Variants in IMMP2L observed in about 807,000 individuals in gnomAD.
IMMP2L encodes inner mitochondrial membrane peptidase subunit 2.
In IMMP2L, 18 loss-of-function variants were observed where a neutral mutation model predicts 19.3. The ratio of observed to expected loss-of-function variants is 0.93; its 90% confidence interval spans 0.64 to 1.38. IMMP2L has a LOEUF of 1.38. Among genes scored for constraint, IMMP2L ranks in the 40% most tolerant of loss-of-function variants. The pLI is 0.00. For missense variants in IMMP2L, 233 were observed against 218.2 expected, an observed-to-expected ratio of 1.07 and a Z score of -0.43; for synonymous variants, 76 against 73.0, an observed-to-expected ratio of 1.04 and a Z score of -0.21.
At chr7:110,944,426 G>A (rs1817030501) in intron 4 of IMMP2L, among the ~76,000 whole-genome samples, 1 of 148,738 alleles carries the variant, frequency 6.7e-6, no homozygotes, top group South Asian at 2.1e-4. Flanking sequence ...TTTAAATCTG[G>A]AATAGTATAG....
chr7:110,769,704 G>A (rs990714722), intron 5 of IMMP2L, among the ~76,000 whole-genome samples: 14 of 151,816 alleles, frequency 9.2e-5, no homozygotes, highest in Non-Finnish European at 1.6e-4. Flanking sequence ...GAAAGAAAAC[G>A]AACGGAAGAA....
At chr7:110,880,004 G>C (rs1258028140) in intron 5 of IMMP2L, among the ~76,000 whole-genome samples, 2 of 152,046 alleles carry the variant, frequency 1.3e-5, no homozygotes, top group Non-Finnish European at 2.9e-5. Flanking sequence ...GAATTCTTTA[G>C]GAGTCATATT....
chr7:110,990,029 G>A (rs1197048207), intron 3 of IMMP2L, among the ~76,000 whole-genome samples: 1 of 151,990 alleles, frequency 6.6e-6, no homozygotes, highest in East Asian at 1.9e-4. Flanking sequence ...CTCAATAAAA[G>A]CCCATACATT....
chr7:110,988,861 A>G (rs1822136630), intron 3 of IMMP2L, among the ~76,000 whole-genome samples: 1 of 152,166 alleles, frequency 6.6e-6, no homozygotes, highest in South Asian at 2.1e-4. Flanking sequence ...ACACATAAAT[A>G]TAGTATGTTC....
At chr7:111,161,899 C>A (rs1236432028) in intron 3 of IMMP2L, among the ~76,000 whole-genome samples, 2 of 151,930 alleles carry the variant, frequency 1.3e-5, no homozygotes, top group African/African-American at 2.4e-5. Context: ...TAAAATGTCT[C>A]CACTTCAAAT....
At chr7:111,383,846 T>C (rs7798071) in intron 3 of IMMP2L, among the ~76,000 whole-genome samples, 3,801 of 152,228 alleles carry the variant, frequency 0.025, 182 homozygotes, top group African/African-American at 0.086. Context: ...TTCAAGCCCA[T>C]GAATATTCAG....
chr7:111,466,266 C>G (rs190436165), intron 3 of IMMP2L, among the ~76,000 whole-genome samples: 19 of 152,160 alleles, frequency 1.2e-4, no homozygotes, highest in African/African-American at 4.3e-4. Flanking sequence ...ATGGGTGCAG[C>G]ACACCAACAT....
chr7:111,092,407 A>G (rs188409782), intron 3 of IMMP2L, among the ~76,000 whole-genome samples: 1 of 152,286 alleles, frequency 6.6e-6, no homozygotes, highest in Non-Finnish European at 1.5e-5. Context: ...GCTCTAATTT[A>G]TTCATTTTTA....
At chr7:111,505,201 C>T (rs1307958894) in intron 2 of IMMP2L, among the ~76,000 whole-genome samples, 2 of 151,616 alleles carry the variant, frequency 1.3e-5, no homozygotes, top group Admixed American at 6.6e-5. Flanking sequence ...GACATTTATG[C>T]AGCCAAAAAA....
chr7:110,933,176 C>G (rs1254862272), intron 4 of IMMP2L, among the ~76,000 whole-genome samples: 1 of 152,098 alleles, frequency 6.6e-6, no homozygotes, highest in Non-Finnish European at 1.5e-5. Flanking sequence ...AAAGGAAGAG[C>G]CTGGTGGAGA....
chr7:110,857,440 T>C (rs999322766), intron 5 of IMMP2L, among the ~76,000 whole-genome samples: 1 of 152,058 alleles, frequency 6.6e-6, no homozygotes, highest in African/African-American at 2.4e-5. Context: ...TCTATCTGAT[T>C]CCTAAGAAAA....
chr7:111,498,728 T>C (rs535210835), intron 2 of IMMP2L, among the ~76,000 whole-genome samples: 1 of 152,290 alleles, frequency 6.6e-6, no homozygotes, highest in East Asian at 1.9e-4. Flanking sequence ...GATAATACCA[T>C]GGATTTTAGA....
intron 5 of IMMP2L, among the ~76,000 whole-genome samples, chr7:110,865,459 T>C (rs1303812709): frequency 1.3e-5 from 2 of 152,120 alleles, no homozygotes; most frequent in Non-Finnish European, 2.9e-5. Flanking sequence ...TATATCTTAA[T>C]TATAAAACAT....
intron 3 of IMMP2L, among the ~76,000 whole-genome samples, chr7:111,078,549 T>A (rs573870593): frequency 4.7e-4 from 71 of 152,278 alleles, no homozygotes; most frequent in African/African-American, 1.7e-3. Flanking sequence ...TTTTATGACA[T>A]AATTTTTAAA....
At chr7:111,105,807 T>C (rs1798484434) in intron 3 of IMMP2L, among the ~76,000 whole-genome samples, 1 of 151,920 alleles carries the variant, frequency 6.6e-6, no homozygotes, top group African/African-American at 2.4e-5. Context: ...GAGATGCCTA[T>C]ATCTAGTCAC....
At chr7:111,413,381 C>T in intron 3 of IMMP2L, among the ~76,000 whole-genome samples, 1 of 151,540 alleles carries the variant, frequency 6.6e-6, no homozygotes, top group Non-Finnish European at 1.5e-5. Context: ...CCTCCAAATC[C>T]AGATAGAGAT....
At chr7:111,556,965 T>C (rs1431586524) in intron 1 of IMMP2L, among the ~76,000 whole-genome samples, 1 of 151,994 alleles carries the variant, frequency 6.6e-6, no homozygotes, top group Non-Finnish European at 1.5e-5. Flanking sequence ...CTCATTCTCT[T>C]CTCCCTCATA....
At chr7:111,053,357 T>C (rs1793190479) in intron 3 of IMMP2L, among the ~76,000 whole-genome samples, 1 of 152,194 alleles carries the variant, frequency 6.6e-6, no homozygotes, top group African/African-American at 2.4e-5. Context: ...ACTAGAGTTG[T>C]AGGCAAGCTC....
intron 5 of IMMP2L, among the ~76,000 whole-genome samples, chr7:110,797,856 T>A (rs969192722): frequency 6.6e-6 from 1 of 152,140 alleles, no homozygotes; most frequent in East Asian, 1.9e-4. Context: ...ATAAGTGTCA[T>A]GTCAGCATCA....
Sources: gnomAD v4.1 joint callset for allele counts (sites outside exome capture counted in the v4.1 genomes callset) on GRCh38, gnomAD v4.1.1 for gene constraint, MANE v1.5 for transcripts, NCBI Gene and HGNC (gene_info 2026-07-23, HGNC 2026-07-21) for gene names.